KIAA0232: variants seen among roughly 807,000 people sequenced by gnomAD.
The protein encoded by KIAA0232 is uncharacterized protein KIAA0232.
A neutral mutation model predicts 122.0 loss-of-function variants in KIAA0232; 27 were observed. The ratio of observed to expected loss-of-function variants is 0.22; its 90% confidence interval spans 0.16 to 0.31. The LOEUF is 0.31. KIAA0232 is among the 10% of genes least tolerant of loss of function. KIAA0232 has a pLI of 1.00. For synonymous variants in KIAA0232, 613 were observed against 587.6 expected, an observed-to-expected ratio of 1.04 and a Z score of -0.63; for missense variants, 1,551 against 1,634.2, an observed-to-expected ratio of 0.95 and a Z score of 0.88.
At chr4:6,813,131 A>G (rs1717950024) in intron 2 of KIAA0232, among the ~76,000 whole-genome samples, 1 of 152,202 alleles carries the variant, frequency 6.6e-6, no homozygotes, top group Non-Finnish European at 1.5e-5. Context: ...TATTTTTAGT[A>G]ATATATGTCA....
intron 2 of KIAA0232, among the ~76,000 whole-genome samples, chr4:6,818,674 C>A (rs1297811828): frequency 1.3e-5 from 2 of 151,890 alleles, no homozygotes; most frequent in Non-Finnish European, 2.9e-5. Flanking sequence ...AACACTGTTC[C>A]CATCAAACTA....
intron 4 of KIAA0232, among the ~76,000 whole-genome samples, chr4:6,844,252 G>T (rs551788156): frequency 6.6e-6 from 1 of 151,404 alleles, no homozygotes; most frequent in African/African-American, 2.4e-5. Flanking sequence ...GTTACCCATC[G>T]TTTTTATCTC....
In KIAA0232 at chr4:6,861,810, T is replaced by A. The variant is rs527732839; in HGVS notation, c.1428T>A (p.Val476=). The part of the protein sequence containing the change: ...IDGHFVEMPA[V]INEDIDLTGT... ...GTCATTTTGTAGAAATGCCTGCAGT[T>A]ATAAATGAGGATATTGACCTCACTG... The change falls in exon 7 of 10, where the codon GTT becomes GTA. Residue 476 remains valine, a synonymous_variant. Transcript: ENST00000307659. The A allele has an allele frequency of 9.0e-5, 146 of 1,614,168 alleles. 1 individual carries two copies. The South Asian group carries it at 1.6e-3, about 17-fold the overall frequency.
chr4:6,835,795 A>C (rs1719235951), intron 3 of KIAA0232, among the ~76,000 whole-genome samples: 1 of 152,208 alleles, frequency 6.6e-6, no homozygotes, highest in Non-Finnish European at 1.5e-5. Flanking sequence ...AAAGGACATG[A>C]ACTCATCCTT....
At chr4:6,848,592 C>G (rs1053256493) in intron 4 of KIAA0232, among the ~76,000 whole-genome samples, 5 of 152,090 alleles carry the variant, frequency 3.3e-5, no homozygotes, top group African/African-American at 7.2e-5. Flanking sequence ...AATATTATGC[C>G]ATTTTATATA....
intron 4 of KIAA0232, among the ~76,000 whole-genome samples, chr4:6,846,764 TC>T (rs1719987817): frequency 6.6e-6 from 1 of 152,072 alleles, no homozygotes; most frequent in Non-Finnish European, 1.5e-5. Flanking sequence ...CTTTTTATAA[TC>T]TGTCTATTGG....
chr4:6,865,802 C>G (rs1026078903), intron 7 of KIAA0232, among the ~76,000 whole-genome samples: 1 of 152,214 alleles, frequency 6.6e-6, no homozygotes, highest in African/African-American at 2.4e-5. Flanking sequence ...CTCCCCTGCT[C>G]CAGCCCCACT....
intron 4 of KIAA0232, among the ~76,000 whole-genome samples, chr4:6,849,613 C>A (rs984139724): frequency 1.3e-5 from 2 of 152,036 alleles, no homozygotes. Flanking sequence ...AAGACTCCAT[C>A]TCAAACAAAG....
intron 2 of KIAA0232, among the ~76,000 whole-genome samples, chr4:6,814,635 T>C (rs1339825971): frequency 6.6e-6 from 1 of 152,068 alleles, no homozygotes; most frequent in African/African-American, 2.4e-5. Flanking sequence ...GGTTGAAAGG[T>C]AGGAAGAGTC....
At chr4:6,879,874 A>ACCCGTCTG in intron 9 of KIAA0232, among the ~76,000 whole-genome samples, 1 of 133,516 alleles carries the variant, frequency 7.5e-6, no homozygotes, top group Admixed American at 7.4e-5. Context: ...TTCCCAACAC[A>ACCCGTCTG]CAGGTCTGCA....
intron 1 of KIAA0232, among the ~76,000 whole-genome samples, chr4:6,783,714 G>A (rs1716475137): frequency 6.6e-6 from 1 of 150,966 alleles, no homozygotes; most frequent in Non-Finnish European, 1.5e-5. Flanking sequence ...GGCCTGGCGG[G>A]CGGGGCCGGT....
At chr4:6,858,384 A>T (rs202047299) in intron 5 of KIAA0232, 41 bp from the exon 6 acceptor site, 1 of 1,200,562 alleles carries the variant, frequency 8.3e-7, no homozygotes, top group Non-Finnish European at 1.2e-6. Flanking sequence ...TTTATTAACT[A>T]GATATAAGAC....
At chr4:6,859,963 G>A (rs1403441984) in intron 6 of KIAA0232, among the ~76,000 whole-genome samples, 1 of 152,060 alleles carries the variant, frequency 6.6e-6, no homozygotes, top group Non-Finnish European at 1.5e-5. Context: ...TTTCCATTCT[G>A]TGAGCATAAC....
At chr4:6,853,556 G>A (rs996164267) in intron 4 of KIAA0232, among the ~76,000 whole-genome samples, 3 of 152,186 alleles carry the variant, frequency 2.0e-5, no homozygotes, top group Non-Finnish European at 4.4e-5. Flanking sequence ...AATGGAACAG[G>A]CAGTTAACAC....
intron 3 of KIAA0232, among the ~76,000 whole-genome samples, chr4:6,826,376 C>T (rs1260546642): frequency 1.3e-5 from 2 of 152,114 alleles, no homozygotes; most frequent in South Asian, 2.1e-4. Context: ...AAATATGCTC[C>T]TTTACAGGCA....
chr4:6,883,545 A>C lies in KIAA0232; in HGVS notation c.*2579A>C, dbSNP rs1352670689. 6.6e-6 allele frequency: 1 copy of C among 152,172 alleles called. No homozygotes were observed. Among genetic ancestry groups the C allele is most frequent in the Non-Finnish European group, 1.5e-5 (1 of 68,028 alleles). 9.4% of individuals were successfully genotyped at this position (152,172 alleles called of 1,614,324 possible). A position where few individuals can be genotyped will look rare whatever the true frequency, so the allele number is the denominator to read the frequency against. ...CATTGTGCAGCTTTGCTAGGGAAGAAAGTGGTGTGGCCTGCTGAGAAATCA... is the reference window on the plus strand; with the variant it reads ...CATTGTGCAGCTTTGCTAGGGAAGACAGTGGTGTGGCCTGCTGAGAAATCA... On this transcript the variant is annotated 3_prime_UTR_variant, in exon 10 of 10. Coordinates refer to ENST00000307659, the MANE Select transcript of KIAA0232 (RefSeq NM_014743.3).
At chr4:6,875,205 C>T (rs970706369) in intron 8 of KIAA0232, among the ~76,000 whole-genome samples, 5 of 152,234 alleles carry the variant, frequency 3.3e-5, no homozygotes, top group Admixed American at 6.5e-5. Context: ...TGATAAGCAG[C>T]GGTCATGGGT....
chr4:6,783,237 G>C (rs1345664675), intron 1 of KIAA0232, among the ~76,000 whole-genome samples: 1 of 152,206 alleles, frequency 6.6e-6, no homozygotes, highest in African/African-American at 2.4e-5. Context: ...GTGCCCGGGC[G>C]TGCGGGTGAG....
chr4:6,849,981 C>A (rs566015329), intron 4 of KIAA0232, among the ~76,000 whole-genome samples: 2 of 152,156 alleles, frequency 1.3e-5, no homozygotes, highest in Admixed American at 1.3e-4. Context: ...AGCCCATTTT[C>A]TTTTTGTTAA....
Sources: gnomAD v4.1 joint callset for allele counts (sites outside exome capture counted in the v4.1 genomes callset) on GRCh38, gnomAD v4.1.1 for gene constraint, MANE v1.5 for transcripts, NCBI Gene and HGNC (gene_info 2026-07-23, HGNC 2026-07-21) for gene names.